Variants in TRIM9 observed in about 807,000 individuals in gnomAD.
TRIM9 encodes tripartite motif containing 9, also known as E3 ubiquitin-protein ligase TRIM9.
TRIM9 carries 26 observed loss-of-function variants against 78.3 expected under a neutral mutation model. The observed-to-expected ratio is 0.33, with a 90% CI of 0.24 to 0.46. The LOEUF (loss-of-function observed/expected upper bound fraction) is 0.46, where lower values mean the gene tolerates loss of function less well. Ranked by LOEUF, TRIM9 falls within the 20% of genes least tolerant of loss-of-function variation. The pLI, the probability that TRIM9 is intolerant of heterozygous loss-of-function variation, is 1.00. For missense variants in TRIM9, 787 were observed against 1,036.4 expected, an observed-to-expected ratio of 0.76 and a Z score of 3.30; for synonymous variants, 398 against 416.5, an observed-to-expected ratio of 0.96 and a Z score of 0.54.
chr14:50,987,789 T>A (rs1353318913), intron 7 of TRIM9, among the ~76,000 whole-genome samples: 1 of 151,898 alleles, frequency 6.6e-6, no homozygotes, highest in Non-Finnish European at 1.5e-5. Flanking sequence ...ATTTTATTTA[T>A]TTATTTATTT....
chr14:51,039,776 T>A (rs2059437802), intron 1 of TRIM9, among the ~76,000 whole-genome samples: 1 of 151,118 alleles, frequency 6.6e-6, no homozygotes, highest in Non-Finnish European at 1.5e-5. Context: ...TGAGGCGGAG[T>A]CTCTCTGTCA....
chr14:51,028,793 G>C (rs1036041780), intron 1 of TRIM9, among the ~76,000 whole-genome samples: 1 of 152,156 alleles, frequency 6.6e-6, no homozygotes, highest in Non-Finnish European at 1.5e-5. Flanking sequence ...AGTTGTTCTT[G>C]GCTGGGAGCA....
chr14:50,997,811 C>A, intron 7 of TRIM9: 2 of 1,378,796 alleles, frequency 1.5e-6, no homozygotes, highest in Non-Finnish European at 1.9e-6. Context: ...AGATTGTTAT[C>A]AAAGGAAGCC....
At chr14:51,035,328 T>C (rs1360960013) in intron 1 of TRIM9, among the ~76,000 whole-genome samples, 1 of 152,204 alleles carries the variant, frequency 6.6e-6, no homozygotes, top group African/African-American at 2.4e-5. Flanking sequence ...ATTGACTGTA[T>C]AGATCTAAGT....
intron 1 of TRIM9, among the ~76,000 whole-genome samples, chr14:51,032,907 C>G (rs1344901624): frequency 6.6e-6 from 1 of 152,160 alleles, no homozygotes; most frequent in Non-Finnish European, 1.5e-5. Flanking sequence ...CTTTGAGCGT[C>G]TTGTCAGCAC....
At chr14:51,009,353 T>C in intron 4 of TRIM9, 120 bp from the exon 5 acceptor site, 1 of 1,208,036 alleles carries the variant, frequency 8.3e-7, no homozygotes, top group East Asian at 2.4e-5. Flanking sequence ...ATACTCTGAC[T>C]GCCTCAGTGC....
intron 1 of TRIM9, among the ~76,000 whole-genome samples, chr14:51,055,529 G>A (rs1395959048): frequency 1.3e-5 from 2 of 152,240 alleles, no homozygotes; most frequent in Admixed American, 1.3e-4. Flanking sequence ...AAGCAGAAGA[G>A]AGTCAGGAGG....
At chr14:50,977,464 T>A in intron 12 of TRIM9, 111 bp from the exon 13 acceptor site, 1 of 768,082 alleles carries the variant, frequency 1.3e-6, no homozygotes, top group Non-Finnish European at 1.8e-6. Flanking sequence ...TGCTTCGCTT[T>A]AAACATCTAG....
At chr14:51,037,799 T>C (rs1054618533) in intron 1 of TRIM9, among the ~76,000 whole-genome samples, 1 of 152,016 alleles carries the variant, frequency 6.6e-6, no homozygotes, top group Non-Finnish European at 1.5e-5. Flanking sequence ...GGAAGATAAA[T>C]ACAACCAGCG....
chr14:51,016,782 AGT>A (rs1313599032), intron 3 of TRIM9, among the ~76,000 whole-genome samples: 1 of 152,148 alleles, frequency 6.6e-6, no homozygotes, highest in African/African-American at 2.4e-5. Flanking sequence ...GCTGGGGACC[AGT>A]GGTTTAAGGA....
At chr14:51,029,723 A>G (rs933596779) in intron 1 of TRIM9, among the ~76,000 whole-genome samples, 6 of 152,182 alleles carry the variant, frequency 3.9e-5, no homozygotes, top group African/African-American at 9.6e-5. Context: ...GGTGCTTTCA[A>G]TGCAATCCCA....
intron 12 of TRIM9, among the ~76,000 whole-genome samples, chr14:50,978,332 C>G (rs1377612200): frequency 6.6e-6 from 1 of 152,164 alleles, no homozygotes; most frequent in Non-Finnish European, 1.5e-5. Flanking sequence ...ATGAGATGCC[C>G]AGCTCAGGAG....
intron 3 of TRIM9, among the ~76,000 whole-genome samples, chr14:51,013,149 T>C (rs957989895): frequency 1.7e-4 from 26 of 152,270 alleles, no homozygotes; most frequent in African/African-American, 6.0e-4. Context: ...GAGTTTATAG[T>C]TTTAGGTTTT....
intron 1 of TRIM9, among the ~76,000 whole-genome samples, chr14:51,030,421 G>C (rs965022596): frequency 3.3e-5 from 5 of 152,342 alleles, no homozygotes; most frequent in African/African-American, 1.2e-4. Flanking sequence ...AGATGGACAG[G>C]AATCCTCCAA....
chr14:51,029,215 G>T (rs1219294469), intron 1 of TRIM9, among the ~76,000 whole-genome samples: 1 of 152,212 alleles, frequency 6.6e-6, no homozygotes, highest in Non-Finnish European at 1.5e-5. Flanking sequence ...CTTTCTGGCT[G>T]TCTCGGATCT....
chr14:50,990,311 C>T (rs1373256211), intron 7 of TRIM9, among the ~76,000 whole-genome samples: 2 of 152,184 alleles, frequency 1.3e-5, no homozygotes, highest in Non-Finnish European at 2.9e-5. Context: ...GCCATGGCAC[C>T]CAGCCCATAT....
chr14:51,025,190 G>A, intron 2 of TRIM9, 75 bp downstream of exon 2: 1 of 1,302,612 alleles, frequency 7.7e-7, no homozygotes, highest in Non-Finnish European at 1.1e-6. Flanking sequence ...AAATAAAAGA[G>A]GAGAAGGAAA....
At chr14:51,032,680 C>T (rs2058834664) in intron 1 of TRIM9, among the ~76,000 whole-genome samples, 1 of 152,180 alleles carries the variant, frequency 6.6e-6, no homozygotes, top group South Asian at 2.1e-4. Flanking sequence ...GAGTCTGTGT[C>T]CAGGGAACCC....
In TRIM9 at chr14:50,977,347, G is replaced by C; in HGVS notation, c.2332C>G (p.Leu778Val). 1 of 1,545,456 alleles carries C rather than the reference G, an allele frequency of 6.5e-7. No individual in the cohort carries two copies. Among genetic ancestry groups the C allele is most frequent in the Non-Finnish European group, 8.8e-7 (1 of 1,142,526 alleles). Reference sequence around the variant, plus strand: ...TCGGGGACTGGGAGCCCGGTGTGCAGCGTGACCTGGGGAATGAGACTGTGA... The same window carrying C: ...TCGGGGACTGGGAGCCCGGTGTGCACCGTGACCTGGGGAATGAGACTGTGA... Reference protein sequence around the residue: ...VSLNRNVQVTLHTGLPVPDFY... With the variant: ...VSLNRNVQVTVHTGLPVPDFY... Residue 778 changes from leucine (L) to valine (V), a missense_variant, in exon 13 of 13, where the codon CTG becomes GTG. Coordinates refer to ENST00000684578, the MANE Select transcript of TRIM9 (RefSeq NM_001387360.1).
Sources: allele counts gnomAD v4.1 joint callset (sites outside exome capture counted in the v4.1 genomes callset), GRCh38; gene constraint gnomAD v4.1.1; transcripts MANE v1.5; gene names NCBI Gene and HGNC (gene_info 2026-07-23, HGNC 2026-07-21).